P2RX7: variants seen among roughly 807,000 people sequenced by gnomAD.
P2RX7 encodes purinergic receptor P2X 7.
A neutral mutation model predicts 71.6 loss-of-function variants in P2RX7; 62 were observed. That is an observed-to-expected ratio of 0.87 (90% CI 0.71 to 1.07). The LOEUF is 1.07. Among genes scored for constraint, P2RX7 ranks in the 50% least tolerant of loss-of-function variants. P2RX7 has a pLI of 0.00. For synonymous variants in P2RX7, 299 were observed against 283.3 expected, an observed-to-expected ratio of 1.06 and a Z score of -0.56; for missense variants, 686 against 748.5, an observed-to-expected ratio of 0.92 and a Z score of 0.97.
intron 1 of P2RX7, among the ~76,000 whole-genome samples, chr12:121,135,912 G>A (rs1166175333): frequency 2.7e-5 from 4 of 147,190 alleles, no homozygotes; most frequent in African/African-American, 1.0e-4. Context: ...GCTGAGACAG[G>A]AGAATCACTT....
At chr12:121,179,803 A>G (rs1022017667) in intron 11 of P2RX7, among the ~76,000 whole-genome samples, 6 of 152,212 alleles carry the variant, frequency 3.9e-5, no homozygotes, top group Non-Finnish European at 5.9e-5. Context: ...GGGGGGTCCA[A>G]TGTAAAAACA....
At chr12:121,161,011 G>A (rs1269820227) in intron 4 of P2RX7, 37 bp downstream of exon 4, 2 of 1,508,032 alleles carry the variant, frequency 1.3e-6, no homozygotes, top group East Asian at 4.5e-5. Context: ...CCTAGGGGTG[G>A]ATGGTCTGGC....
intron 11 of P2RX7, among the ~76,000 whole-genome samples, chr12:121,178,283 T>C (rs1883493984): frequency 6.6e-6 from 1 of 151,992 alleles, no homozygotes; most frequent in South Asian, 2.1e-4. Context: ...TAACCAAATA[T>C]CCAACAGGTG....
intron 9 of P2RX7, among the ~76,000 whole-genome samples, chr12:121,176,390 G>C (rs1653600): frequency 1.3e-3 from 194 of 152,328 alleles, no homozygotes; most frequent in African/African-American, 4.5e-3. Context: ...ATCTATGTAA[G>C]ACAGTGATAA....
chr12:121,157,564 G>A (rs1249702570), intron 3 of P2RX7, among the ~76,000 whole-genome samples: 1 of 152,094 alleles, frequency 6.6e-6, no homozygotes, highest in East Asian at 1.9e-4. Flanking sequence ...TCCAGTTTGG[G>A]GGCCTGTTTC....
At chr12:121,166,645 T>C (rs1010634847) in intron 7 of P2RX7, among the ~76,000 whole-genome samples, 4 of 152,122 alleles carry the variant, frequency 2.6e-5, no homozygotes, top group Non-Finnish European at 5.9e-5. Context: ...CCCTATCCTG[T>C]GTCCAATCTC....
At chr12:121,158,732 T>TA (rs1285632633) in intron 3 of P2RX7, among the ~76,000 whole-genome samples, 3 of 151,534 alleles carry the variant, frequency 2.0e-5, no homozygotes, top group East Asian at 3.9e-4. Flanking sequence ...GTGCTGTTTT[T>TA]TAAAAAAAAA....
At chr12:121,152,131 C>T (rs1350240419) in intron 1 of P2RX7, among the ~76,000 whole-genome samples, 1 of 152,018 alleles carries the variant, frequency 6.6e-6, no homozygotes, top group Non-Finnish European at 1.5e-5. Flanking sequence ...AGGCGCACAC[C>T]ACCACACCCG....
chr12:121,155,792 TAAAAAAAAAAC>T (rs869270368), intron 2 of P2RX7, among the ~76,000 whole-genome samples: 1 of 146,176 alleles, frequency 6.8e-6, no homozygotes, highest in Admixed American at 6.8e-5. Context: ...TTTTACTGCG[TAAAAAAAAAAC>T]AAAAACAAAA....
chr12:121,150,520 A>G (rs1877165560), intron 1 of P2RX7, among the ~76,000 whole-genome samples: 1 of 152,266 alleles, frequency 6.6e-6, no homozygotes, highest in Admixed American at 6.5e-5. Context: ...ATATTTGTCT[A>G]TGGAATTCTA....
rs146355032 is a variant in P2RX7 at position 121,184,950 on chromosome 12, T to G, written c.*148T>G. The G allele has an allele frequency of 1.2e-4, 74 of 630,228 alleles. No homozygotes were observed. The highest frequency in any genetic ancestry group is 1.7e-4 in the Non-Finnish European group (64 of 368,358). The allele number at this position is 630,228 out of a possible 1,614,324, so 39.0% of individuals were successfully genotyped here. Reference sequence around the variant, plus strand: ...AAATACAAAAATCAGCCAGACATGGTGGCATGCACCTGCAATCCCAGCTAC... The same window carrying G: ...AAATACAAAAATCAGCCAGACATGGGGGCATGCACCTGCAATCCCAGCTAC... On this transcript the variant is annotated 3_prime_UTR_variant, in exon 13 of 13. Coordinates refer to ENST00000328963, the MANE Select transcript of P2RX7 (RefSeq NM_002562.6).
At chr12:121,184,102 T>C (rs1007812181) in intron 12 of P2RX7, among the ~76,000 whole-genome samples, 1 of 151,342 alleles carries the variant, frequency 6.6e-6, no homozygotes, top group Non-Finnish European at 1.5e-5. Flanking sequence ...AAGACAAGGA[T>C]ACATTATCTC....
At chr12:121,142,133 G>A (rs1875024472) in intron 1 of P2RX7, among the ~76,000 whole-genome samples, 1 of 152,180 alleles carries the variant, frequency 6.6e-6, no homozygotes, top group African/African-American at 2.4e-5. Flanking sequence ...TGGAATGAGG[G>A]GTGTCTGAGG....
intron 1 of P2RX7, among the ~76,000 whole-genome samples, chr12:121,151,419 T>C (rs183254422): frequency 5.9e-5 from 9 of 152,024 alleles, no homozygotes; most frequent in South Asian, 4.2e-4. Flanking sequence ...GTATTTTTAG[T>C]AGAGACGGGG....
rs147505804 is a variant in P2RX7, at chr12:121,167,490, C to T, written c.747C>T (p.Gly249=). Residue 249 remains glycine, a splice_region_variant and synonymous_variant, in exon 8 of 13, where the codon GGC becomes GGT. Transcript: ENST00000328963. ...GDNFSDVAIQ[G]GIMGIEIYWD... ...ACTGTCCCTTGTTGATCCTTCAGGG[C>T]GGAATAATGGGCATTGAGATCTACT... The T allele has an allele frequency of 3.3e-5, 54 of 1,613,900 alleles. No homozygotes were observed. The highest frequency in any genetic ancestry group is 1.2e-4 in the South Asian group (11 of 91,060).
chr12:121,144,958 T>G (rs1875813201), intron 1 of P2RX7, among the ~76,000 whole-genome samples: 1 of 152,086 alleles, frequency 6.6e-6, no homozygotes, highest in African/African-American at 2.4e-5. Context: ...AGGTCAGGAC[T>G]AAAGGCATTG....
In P2RX7 at chr12:121,184,417, C is replaced by T; in HGVS notation, c.1403C>T (p.Pro468Leu). The change falls in exon 13 of 13, where the codon CCT (proline) becomes CTT (leucine). Residue 468 changes from proline (P) to leucine (L), a missense_variant. Coordinates refer to ENST00000328963, the MANE Select transcript of P2RX7 (RefSeq NM_002562.6). ...CAGCTGCTTAGAAAGGAGGCGACTC[C>T]TAGATCCAGGGATAGCCCCGTCTGG... ...EIQLLRKEAT[P>L]RSRDSPVWCQ... The T allele has an allele frequency of 1.9e-6, 3 of 1,614,176 alleles. No individual in the cohort carries two copies. The highest frequency in any genetic ancestry group is 2.5e-6 in the Non-Finnish European group (3 of 1,180,018).
chr12:121,160,152 T>C (rs2136063534), intron 3 of P2RX7, among the ~76,000 whole-genome samples: 1 of 152,042 alleles, frequency 6.6e-6, no homozygotes, highest in African/African-American at 2.4e-5. Flanking sequence ...CTTCCTTCCT[T>C]TCTTTCTTTT....
chr12:121,145,196 C>A (rs1174193251), intron 1 of P2RX7, among the ~76,000 whole-genome samples: 1 of 152,142 alleles, frequency 6.6e-6, no homozygotes, highest in African/African-American at 2.4e-5. Context: ...GCGCAGAAGT[C>A]CCCAAAAGAT....
Sources: allele counts gnomAD v4.1 joint callset (sites outside exome capture counted in the v4.1 genomes callset), GRCh38; gene constraint gnomAD v4.1.1; transcripts MANE v1.5; gene names NCBI Gene and HGNC (gene_info 2026-07-23, HGNC 2026-07-21).